The following TRMT11 variants were observed in gnomAD, a reference collection of about 807,000 sequenced individuals.
TRMT11 encodes tRNA (guanine(10)-N(2))-methyltransferase TRMT11.
A neutral mutation model predicts 62.8 loss-of-function variants in TRMT11; 53 were observed. The observed-to-expected ratio is 0.84, with a 90% CI of 0.68 to 1.06. The LOEUF (loss-of-function observed/expected upper bound fraction) is 1.06. Among genes scored for constraint, TRMT11 ranks in the 50% least tolerant of loss-of-function variants. The pLI is 0.00. For synonymous variants in TRMT11, 188 were observed against 190.3 expected (o/e 0.99, Z 0.10); for missense variants, 556 against 553.4 (o/e 1.00, Z -0.05).
intron 21 of TRMT11, among the ~76,000 whole-genome samples, chr6:126,155,328 C>T (rs1778104441): frequency 1.3e-5 from 2 of 152,104 alleles, no homozygotes; most frequent in South Asian, 2.1e-4. Context: ...AAGGATCAGC[C>T]CCCATGGCCA....
intron 11 of TRMT11, among the ~76,000 whole-genome samples, chr6:126,015,000 T>TA (rs1365836933): frequency 2.0e-5 from 3 of 152,174 alleles, no homozygotes; most frequent in Admixed American, 2.0e-4. Context: ...CATGTCTTTG[T>TA]AAAAAGGGTT....
chr6:126,036,795 T>C (rs1386571237), intron 12 of TRMT11, among the ~76,000 whole-genome samples: 1 of 152,110 alleles, frequency 6.6e-6, no homozygotes, highest in Non-Finnish European at 1.5e-5. Context: ...AGTCAGACTT[T>C]TGATGAAAGT....
At chr6:126,209,454 C>T in the TRMT11 span, among the ~76,000 whole-genome samples, 1 of 151,984 alleles carries the variant, frequency 6.6e-6, no homozygotes, top group African/African-American at 2.4e-5. Context: ...GGCGCGGTGG[C>T]TCACTCCTGT....
chr6:126,156,063 C>T (rs552138603), intron 21 of TRMT11, among the ~76,000 whole-genome samples: 1 of 152,260 alleles, frequency 6.6e-6, no homozygotes, highest in South Asian at 2.1e-4. Flanking sequence ...CCAAAATAAT[C>T]CCCTTTGATT....
intron 17 of TRMT11, among the ~76,000 whole-genome samples, chr6:126,069,812 G>C (rs937148067): frequency 6.6e-6 from 1 of 151,228 alleles, no homozygotes; most frequent in Non-Finnish European, 1.5e-5. Context: ...GATATGATGT[G>C]AGAGGTTGAC....
At chr6:126,260,249 A>T in the TRMT11 span, among the ~76,000 whole-genome samples, 1 of 152,162 alleles carries the variant, frequency 6.6e-6, no homozygotes. Context: ...CTGGGCTAAC[A>T]TAAAGAGTCT....
At chr6:126,135,733 C>T (rs1449383369) in intron 21 of TRMT11, among the ~76,000 whole-genome samples, 1 of 151,452 alleles carries the variant, frequency 6.6e-6, no homozygotes, top group Non-Finnish European at 1.5e-5. Flanking sequence ...AGCAAAAATG[C>T]CCCCAAAAAT....
intron 7 of TRMT11, among the ~76,000 whole-genome samples, chr6:126,002,353 C>T (rs1792645911): frequency 6.6e-6 from 1 of 152,118 alleles, no homozygotes; most frequent in African/African-American, 2.4e-5. Flanking sequence ...TTTGACTACC[C>T]TATTCTATGT....
chr6:126,224,961 G>A, the TRMT11 span, among the ~76,000 whole-genome samples: 1 of 152,164 alleles, frequency 6.6e-6, no homozygotes, highest in African/African-American at 2.4e-5. Context: ...GAAGGACCTG[G>A]TTGGGCATCC....
chr6:126,044,442 G>A (rs1176425763), intron 16 of TRMT11, among the ~76,000 whole-genome samples: 4 of 152,160 alleles, frequency 2.6e-5, no homozygotes, highest in African/African-American at 9.7e-5. Context: ...GTACCATGCT[G>A]TTTTGGTTAC....
chr6:126,252,060 C>G, the TRMT11 span, among the ~76,000 whole-genome samples: 1 of 152,190 alleles, frequency 6.6e-6, no homozygotes, highest in Admixed American at 6.5e-5. Flanking sequence ...CAAACTACCA[C>G]AACACTGAGT....
Position 126,095,114 on chromosome 6 carries a change from G to A in TRMT11, c.*1438-17752G>A, listed in dbSNP as rs147025876. 7.6e-3 allele frequency among the ~76,000 whole-genome samples: 1,162 copies of A among 152,228 alleles called. 16 individuals are homozygous for A. The highest frequency in any genetic ancestry group is 0.021 in the South Asian group (103 of 4,814). On this transcript the variant is annotated intron_variant and NMD_transcript_variant, in intron 17 of 22. Coordinates refer to the TRMT11 transcript ENST00000648977. ...TAGGTCTGGCGCTGACCTTGTAATA[G>A]CATGCATCTCTAGAATTTAAGGACA...
chr6:126,171,760 C>T (rs1778331926), intron 21 of TRMT11, among the ~76,000 whole-genome samples: 1 of 152,050 alleles, frequency 6.6e-6, no homozygotes, highest in South Asian at 2.1e-4. Flanking sequence ...CTCTTGTCGC[C>T]CAGGCTGGAG....
chr6:126,163,916 A>G (rs1380981535), intron 21 of TRMT11, among the ~76,000 whole-genome samples: 1 of 152,130 alleles, frequency 6.6e-6, no homozygotes, highest in Non-Finnish European at 1.5e-5. Context: ...AATCTTTTCA[A>G]AAAGCCTGCT....
At chr6:126,012,456 A>C (rs985449130) in intron 9 of TRMT11, among the ~76,000 whole-genome samples, 1 of 152,344 alleles carries the variant, frequency 6.6e-6, no homozygotes, top group African/African-American at 2.4e-5. Flanking sequence ...AATAGCTTTT[A>C]TGGCATATAT....
At chr6:126,200,151 CAG>C (rs2128252237) in intron 3 of TRMT11, among the ~76,000 whole-genome samples, 1 of 152,226 alleles carries the variant, frequency 6.6e-6, no homozygotes, top group East Asian at 1.9e-4. Context: ...ATTCAGAAAA[CAG>C]AGAAGAACAG....
At chr6:126,202,438 C>A (rs1357177045), downstream of TRMT11, among the ~76,000 whole-genome samples, 2 of 152,192 alleles carry the variant, frequency 1.3e-5, no homozygotes, top group Admixed American at 1.3e-4. Context: ...TGTCTTCTGA[C>A]TACCTATCTG....
chr6:126,232,690 A>G, the TRMT11 span, among the ~76,000 whole-genome samples: 1 of 152,136 alleles, frequency 6.6e-6, no homozygotes, highest in Non-Finnish European at 1.5e-5. Flanking sequence ...CTTTTCCCAG[A>G]CATGTTTTGT....
chr6:126,196,106 A>G (rs1235290904), intron 1 of TRMT11, among the ~76,000 whole-genome samples: 1 of 152,204 alleles, frequency 6.6e-6, no homozygotes, highest in Non-Finnish European at 1.5e-5. Context: ...ATACTTTGTT[A>G]TTTAAGCCAA....
Sources: gnomAD v4.1 joint callset for allele counts (sites outside exome capture counted in the v4.1 genomes callset) on GRCh38, gnomAD v4.1.1 for gene constraint, MANE v1.5 for transcripts, NCBI Gene and HGNC (gene_info 2026-07-23, HGNC 2026-07-21) for gene names.